The following DACH2 variants were observed in gnomAD, a reference collection of about 807,000 sequenced individuals.
The protein encoded by DACH2 is dachshund family transcription factor 2.
A neutral mutation model predicts 35.8 loss-of-function variants in DACH2; 17 were observed. The observed-to-expected ratio is 0.48, with a 90% CI of 0.33 to 0.71. DACH2 has a LOEUF of 0.71. Ranked by LOEUF, DACH2 falls within the 30% of genes least tolerant of loss-of-function variation. DACH2 has a pLI of 0.02. For missense variants in DACH2, 469 were observed against 472.7 expected (o/e 0.99, Z 0.07); for synonymous variants, 195 against 177.3 (o/e 1.10, Z -0.79).
chrX:86,812,866 A>G lies in DACH2; in HGVS notation c.1251A>G (p.Pro417=). ...ATTTTGTTTTTGCAGAAGAGGTACC[A>G]GTTCAAATTCCAATAATGAAGTCAC... ...DHHLERMEEV[P]VQIPIMKSPL... is the part of the protein sequence containing the mutation. Residue 417 remains proline, a synonymous_variant, in exon 8 of 12, where the codon CCA becomes CCG. Transcript: ENST00000373125. The G allele has an allele frequency of 8.4e-7, 1 of 1,192,578 alleles. No homozygotes were observed. Among genetic ancestry groups the G allele is most frequent in the South Asian group, 1.9e-5 (1 of 53,098 alleles).
chrX:86,190,179 A>G (rs1352812973), intron 1 of DACH2, among the ~76,000 whole-genome samples: 2 of 110,580 alleles, frequency 1.8e-5, no homozygotes, highest in Non-Finnish European at 3.8e-5. Context: ...AAAAAAAAGT[A>G]AAATAAAAAC....
chrX:86,520,312 GT>G (rs1417298588), intron 3 of DACH2, among the ~76,000 whole-genome samples: 1 of 111,631 alleles, frequency 9.0e-6, no homozygotes. Flanking sequence ...GTCGAGGATT[GT>G]TTTATGTCCA....
At chrX:86,163,866 T>C (rs1323851870) in intron 1 of DACH2, among the ~76,000 whole-genome samples, 1 of 111,478 alleles carries the variant, frequency 9.0e-6, no homozygotes, top group African/African-American at 3.3e-5. Flanking sequence ...TTTGCTATTG[T>C]GAATAGCGCT....
intron 1 of DACH2, among the ~76,000 whole-genome samples, chrX:86,163,565 T>G (rs2147866154): frequency 9.0e-6 from 1 of 111,379 alleles, no homozygotes; most frequent in East Asian, 2.8e-4. Context: ...ATAATAATCT[T>G]TTCTGCTTCT....
intron 3 of DACH2, among the ~76,000 whole-genome samples, chrX:86,545,603 A>C (rs1443527960): frequency 1.8e-5 from 2 of 112,225 alleles, no homozygotes; most frequent in East Asian, 5.6e-4. Context: ...AGTCTTAAAA[A>C]CATAACTAAG....
rs761883526 is a variant in DACH2 at position 86,816,117 on chromosome X, C to T, written c.1750+18C>T. 2.4e-5 allele frequency: 27 copies of T among 1,127,088 alleles called. No individual in the cohort carries two copies. The highest frequency in any genetic ancestry group is 2.5e-5 in the Non-Finnish European group (21 of 844,945). 92.9% of individuals were successfully genotyped at this position (1,127,088 alleles called of 1,213,427 possible). A position where few individuals can be genotyped will look rare whatever the true frequency, so the allele number is the denominator to read the frequency against. ...TATGCAAGGTACAGTCAACTGAAAA[C>T]TTCTTTCTTTGACTGCTTAATATGT... On this transcript the variant is annotated intron_variant, in intron 11 of 11. Coordinates refer to ENST00000373125, the MANE Select transcript of DACH2 (RefSeq NM_053281.3).
At chrX:86,321,262 G>C (rs2035011168) in intron 1 of DACH2, among the ~76,000 whole-genome samples, 1 of 111,785 alleles carries the variant, frequency 8.9e-6, no homozygotes, top group East Asian at 2.8e-4. Flanking sequence ...ACACTGCAAA[G>C]TTTCAACTTG....
In DACH2 at chrX:86,540,094, CA is replaced by C. The variant is rs759194798; in HGVS notation, c.640+25705del. On this transcript the variant is annotated intron_variant, in intron 3 of 11. Coordinates refer to ENST00000373125, the MANE Select transcript of DACH2 (RefSeq NM_053281.3). ...ATGTTATGTTTAGCTATGATAAACTCAATACATCTTTAAGCATCTATGTTTG... is the reference window on the plus strand; with the variant it reads ...ATGTTATGTTTAGCTATGATAAACTCATACATCTTTAAGCATCTATGTTTG... Among the ~76,000 whole-genome samples, 6 of 111,714 alleles carry C rather than the reference CA, an allele frequency of 5.4e-5. No individual in the cohort carries two copies. The East Asian group carries it at 1.1e-3, about 21-fold the overall frequency.
intron 7 of DACH2, among the ~76,000 whole-genome samples, chrX:86,756,139 A>C (rs1230575013): frequency 1.8e-5 from 2 of 111,220 alleles, no homozygotes; most frequent in African/African-American, 6.6e-5. Context: ...TGGCTACTAT[A>C]GCCTTGTAAT....
At chrX:86,685,225 C>T (rs1336650024) in intron 4 of DACH2, among the ~76,000 whole-genome samples, 1 of 111,512 alleles carries the variant, frequency 9.0e-6, no homozygotes, top group Middle Eastern at 4.2e-3. Context: ...GTACATAGAA[C>T]ATATCACAAT....
chrX:86,702,963 C>CA (rs926340807), intron 5 of DACH2, among the ~76,000 whole-genome samples: 1 of 110,356 alleles, frequency 9.1e-6, no homozygotes, highest in Admixed American at 9.8e-5. Context: ...GGCACATAAC[C>CA]AAAAAAAGAT....
chrX:86,172,049 T>G (rs1223748759), intron 1 of DACH2, among the ~76,000 whole-genome samples: 2 of 112,178 alleles, frequency 1.8e-5, no homozygotes, highest in Non-Finnish European at 3.8e-5. Flanking sequence ...TAATGAACAT[T>G]ACAATTTGAA....
chrX:86,358,933 T>TA (rs1273794745), intron 1 of DACH2, among the ~76,000 whole-genome samples: 6 of 111,476 alleles, frequency 5.4e-5, no homozygotes, highest in African/African-American at 2.0e-4. Flanking sequence ...CATTGAAGTT[T>TA]AAAAAACTTT....
chrX:86,751,439 G>A (rs1298874800), intron 7 of DACH2, among the ~76,000 whole-genome samples: 1 of 110,730 alleles, frequency 9.0e-6, no homozygotes, highest in Non-Finnish European at 1.9e-5. Flanking sequence ...TCTCAACAGA[G>A]GCAGAAAAGG....
chrX:86,220,002 C>CAAAAA (rs574196058), intron 1 of DACH2, among the ~76,000 whole-genome samples: 2 of 61,298 alleles, frequency 3.3e-5, no homozygotes, highest in African/African-American at 6.6e-5. Context: ...ACTAAAAATA[C>CAAAAA]AAAAAAAAAA....
intron 3 of DACH2, among the ~76,000 whole-genome samples, chrX:86,630,266 TG>T (rs2040185018): frequency 9.0e-6 from 1 of 110,699 alleles, no homozygotes; most frequent in South Asian, 3.8e-4. Context: ...ATTTATTAGC[TG>T]TATGACATTA....
At chrX:86,287,680 A>T (rs930094769) in intron 1 of DACH2, among the ~76,000 whole-genome samples, 3 of 112,086 alleles carry the variant, frequency 2.7e-5, no homozygotes, top group African/African-American at 9.7e-5. Flanking sequence ...TAAGACTCTA[A>T]TGCATTCTTC....
chrX:86,328,302 T>C (rs2035151262), intron 1 of DACH2, among the ~76,000 whole-genome samples: 1 of 111,655 alleles, frequency 9.0e-6, no homozygotes, highest in African/African-American at 3.2e-5. Flanking sequence ...TGTGAGCATA[T>C]TATTAGTAAT....
intron 7 of DACH2, among the ~76,000 whole-genome samples, chrX:86,793,499 A>G (rs2042207162): frequency 8.9e-6 from 1 of 111,845 alleles, no homozygotes; most frequent in Non-Finnish European, 1.9e-5. Context: ...GAGAGAATAC[A>G]CACACATCAC....
Sources: allele counts gnomAD v4.1 joint callset (sites outside exome capture counted in the v4.1 genomes callset), GRCh38; gene constraint gnomAD v4.1.1; transcripts MANE v1.5; gene names NCBI Gene and HGNC (gene_info 2026-07-23, HGNC 2026-07-21).